The following TMPRSS11F variants were observed in gnomAD, a reference collection of about 807,000 sequenced individuals.
The protein encoded by TMPRSS11F is transmembrane protease serine 11F.
Under a neutral mutation model 60.2 loss-of-function variants are expected in TMPRSS11F, and 47 were observed. The observed-to-expected ratio is 0.78, with a 90% confidence interval of 0.62 to 1.00. TMPRSS11F has a LOEUF of 1.00. TMPRSS11F is among the 50% of genes least tolerant of loss of function. TMPRSS11F has a pLI of 0.00. For missense variants in TMPRSS11F, 519 were observed against 522.9 expected, an observed-to-expected ratio of 0.99 and a Z score of 0.07; for synonymous variants, 166 against 167.3, an observed-to-expected ratio of 0.99 and a Z score of 0.06.
At chr4:68,056,245 G>T (rs1280953531) in intron 9 of TMPRSS11F, among the ~76,000 whole-genome samples, 1 of 152,098 alleles carries the variant, frequency 6.6e-6, no homozygotes, top group African/African-American at 2.4e-5. Flanking sequence ...TTGTCTTTGT[G>T]TGTTGACAAC....
chr4:68,059,362 A>G lies in TMPRSS11F; in HGVS notation c.1122T>C (p.Cys374=). The G allele has an allele frequency of 1.2e-6, 2 of 1,613,930 alleles. No individual in the cohort carries two copies. The highest frequency in any genetic ancestry group is 1.7e-6 in the Non-Finnish European group (2 of 1,179,954). The change falls in exon 9 of 10, where the codon TGT becomes TGC. Residue 374 remains cysteine (C), a synonymous_variant. Coordinates refer to ENST00000356291, the MANE Select transcript of TMPRSS11F (RefSeq NM_207407.2). ...CTATTTTTCCTTCCATGAATCCAGC[A>G]CATAACATTCCTGGAGTTATCAGGC... is the stretch of plus-strand genomic sequence containing the variant. ...YDGLITPGML[C]AGFMEGKIDA...
At chr4:68,084,828 C>A (rs1241373088) in intron 3 of TMPRSS11F, among the ~76,000 whole-genome samples, 1 of 146,090 alleles carries the variant, frequency 6.8e-6, no homozygotes, top group African/African-American at 2.5e-5. Context: ...TGGTGCGCTG[C>A]ACCCACTAAC....
chr4:68,096,340 C>T (rs1724075110), intron 2 of TMPRSS11F, among the ~76,000 whole-genome samples: 1 of 152,090 alleles, frequency 6.6e-6, no homozygotes, highest in Non-Finnish European at 1.5e-5. Flanking sequence ...AATCTAAAAG[C>T]CTTTTCATCA....
intron 4 of TMPRSS11F, among the ~76,000 whole-genome samples, chr4:68,073,243 C>G (rs1723516765): frequency 6.6e-6 from 1 of 152,046 alleles, no homozygotes; most frequent in African/African-American, 2.4e-5. Flanking sequence ...ATTTTGGGGT[C>G]TGGTGGTCTG....
At chr4:68,061,775 G>A (rs1723180180) in intron 8 of TMPRSS11F, 9 of 439,572 alleles carry the variant, frequency 2.0e-5, no homozygotes, top group South Asian at 8.2e-5. Flanking sequence ...TACAGGAAGT[G>A]CTTTCAACAG....
chr4:68,101,585 C>T (rs559619796), intron 1 of TMPRSS11F, among the ~76,000 whole-genome samples: 2 of 152,138 alleles, frequency 1.3e-5, no homozygotes, highest in Non-Finnish European at 2.9e-5. Flanking sequence ...TTTAAATTCC[C>T]TAATGCCTTT....
At chr4:68,091,769 C>CTATCTATCTATCTATCTA (rs1413630341) in intron 2 of TMPRSS11F, among the ~76,000 whole-genome samples, 1 of 118,028 alleles carries the variant, frequency 8.5e-6, no homozygotes. Context: ...CTCTCTCTCT[C>CTATCTATCTATCTATCTA]TCTCTCTCTC....
At chr4:68,128,034 C>G (rs541211678) in intron 1 of TMPRSS11F, among the ~76,000 whole-genome samples, 1 of 152,134 alleles carries the variant, frequency 6.6e-6, no homozygotes, top group South Asian at 2.1e-4. Flanking sequence ...CAAAAGAGTT[C>G]AAAGTTGGAT....
At chr4:68,081,473 G>C (rs1723695635) in intron 3 of TMPRSS11F, among the ~76,000 whole-genome samples, 1 of 152,176 alleles carries the variant, frequency 6.6e-6, no homozygotes, top group Admixed American at 6.5e-5. Context: ...AATCTTAGCA[G>C]AAGTACATTA....
At chr4:68,063,091 C>T (rs770755931) in intron 8 of TMPRSS11F, 2 of 644,008 alleles carry the variant, frequency 3.1e-6, no homozygotes, top group East Asian at 3.7e-5. Flanking sequence ...GAACCAAGAT[C>T]TGGAAGCCCT....
At chr4:68,099,984 G>C (rs1724155975) in intron 1 of TMPRSS11F, among the ~76,000 whole-genome samples, 1 of 151,542 alleles carries the variant, frequency 6.6e-6, no homozygotes, top group Non-Finnish European at 1.5e-5. Context: ...GGTTTTGTCA[G>C]GAGATTTTAT....
intron 8 of TMPRSS11F, 135 bp downstream of exon 8, chr4:68,064,550 C>A: frequency 9.8e-7 from 1 of 1,020,092 alleles, no homozygotes; most frequent in Non-Finnish European, 1.4e-6. Flanking sequence ...CCACAGTCTC[C>A]TGTTCTGCCC....
At chr4:68,076,897 C>A (rs1367906270) in intron 3 of TMPRSS11F, among the ~76,000 whole-genome samples, 1 of 152,170 alleles carries the variant, frequency 6.6e-6, no homozygotes, top group African/African-American at 2.4e-5. Flanking sequence ...GGCAACCACA[C>A]CCTTCAAAAC....
chr4:68,078,634 T>C (rs186745323), intron 3 of TMPRSS11F, among the ~76,000 whole-genome samples: 8 of 152,156 alleles, frequency 5.3e-5, no homozygotes, highest in Admixed American at 2.0e-4. Flanking sequence ...ATCAACAATA[T>C]GGTAAAGGGA....
At chr4:68,082,277 T>C (rs1723711614) in intron 3 of TMPRSS11F, among the ~76,000 whole-genome samples, 2 of 152,210 alleles carry the variant, frequency 1.3e-5, no homozygotes, top group South Asian at 4.1e-4. Context: ...CATAGATACT[T>C]GAATTGGCAG....
intron 2 of TMPRSS11F, among the ~76,000 whole-genome samples, chr4:68,094,919 C>G (rs1724040257): frequency 6.6e-6 from 1 of 151,868 alleles, no homozygotes; most frequent in Admixed American, 6.6e-5. Context: ...AAAAATTTAT[C>G]TGGGTCATGA....
chr4:68,060,791 C>CT (rs1480024783), intron 8 of TMPRSS11F, among the ~76,000 whole-genome samples: 2 of 151,542 alleles, frequency 1.3e-5, no homozygotes, highest in Non-Finnish European at 2.9e-5. Context: ...CATAGAGCTG[C>CT]TTTTTTTAAA....
At chr4:68,108,234 A>G (rs887011370) in intron 1 of TMPRSS11F, among the ~76,000 whole-genome samples, 1 of 152,230 alleles carries the variant, frequency 6.6e-6, no homozygotes, top group Non-Finnish European at 1.5e-5. Context: ...CAGAAAGAGA[A>G]GAGTTAAGGA....
chr4:68,091,431 C>A (rs1316916814), intron 2 of TMPRSS11F, among the ~76,000 whole-genome samples: 4 of 152,026 alleles, frequency 2.6e-5, no homozygotes, highest in South Asian at 4.1e-4. Flanking sequence ...GATGGCCTTA[C>A]CCACTAACTA....
Sources: gnomAD v4.1 joint callset for allele counts (sites outside exome capture counted in the v4.1 genomes callset) on GRCh38, gnomAD v4.1.1 for gene constraint, MANE v1.5 for transcripts, NCBI Gene and HGNC (gene_info 2026-07-23, HGNC 2026-07-21) for gene names.